SPMIP4: variants seen among roughly 807,000 people sequenced by gnomAD.
SPMIP4 encodes sperm-associated microtubule inner protein 4.
the SPMIP4 span, among the ~76,000 whole-genome samples, chr7:25,140,529 T>A: frequency 6.6e-6 from 1 of 152,118 alleles, no homozygotes; most frequent in African/African-American, 2.4e-5. Flanking sequence ...CTCCAACTCC[T>A]GACCTCAGGT....
the SPMIP4 span, chr7:25,135,930 C>T: frequency 7.8e-6 from 12 of 1,533,882 alleles, no homozygotes; most frequent in Non-Finnish European, 1.0e-5. Context: ...TATTTTTTAG[C>T]TTCTTGCAAG....
the SPMIP4 span, chr7:25,134,769 G>C: frequency 1.0e-6 from 1 of 985,090 alleles, no homozygotes; most frequent in African/African-American, 1.7e-5. Flanking sequence ...GTGATAAAAA[G>C]TGTGTACACT....
the SPMIP4 span, among the ~76,000 whole-genome samples, chr7:25,139,068 A>G: frequency 6.6e-6 from 1 of 152,154 alleles, no homozygotes; most frequent in African/African-American, 2.4e-5. Context: ...CTGTATCTTG[A>G]TAGGGGTTTG....
chr7:25,127,186 G>C, the SPMIP4 span, among the ~76,000 whole-genome samples: 1 of 151,996 alleles, frequency 6.6e-6, no homozygotes, highest in Admixed American at 6.6e-5. Context: ...AAATCTGCTT[G>C]GTGTTTTATA....
At chr7:25,142,570 G>C in the SPMIP4 span, 1 of 1,317,416 alleles carries the variant, frequency 7.6e-7, no homozygotes, top group Non-Finnish European at 1.1e-6. Flanking sequence ...GAAGTTGAAA[G>C]CTTGTCATAG....
At chr7:25,144,982 G>GTCTTGC in the SPMIP4 span, among the ~76,000 whole-genome samples, 5 of 147,294 alleles carry the variant, frequency 3.4e-5, no homozygotes, top group Middle Eastern at 3.6e-3. Flanking sequence ...TTGAGATGGA[G>GTCTTGC]TCTTGCTCTT....
the SPMIP4 span, among the ~76,000 whole-genome samples, chr7:25,128,600 G>A: frequency 6.6e-6 from 1 of 152,310 alleles, no homozygotes; most frequent in Non-Finnish European, 1.5e-5. This position sits in a 1 kb window ranked among gnomAD's most constrained non-coding sequence, Gnocchi z 4.5. Flanking sequence ...GGGCAGTGGG[G>A]TCCTCTTTGG....
At chr7:25,138,820 C>T in the SPMIP4 span, among the ~76,000 whole-genome samples, 1 of 152,322 alleles carries the variant, frequency 6.6e-6, no homozygotes, top group Non-Finnish European at 1.5e-5. The surrounding 1 kb of genome is among the most constrained non-coding windows in gnomAD (Gnocchi z 6.2). Context: ...TTTCAACGAG[C>T]ATTTCAGGTG....
chr7:25,156,696 T>C, the SPMIP4 span, among the ~76,000 whole-genome samples: 1 of 152,160 alleles, frequency 6.6e-6, no homozygotes, highest in African/African-American at 2.4e-5. Flanking sequence ...TTACTATTAC[T>C]ATTATTTTTG....
chr7:25,141,390 G>A, the SPMIP4 span, among the ~76,000 whole-genome samples: 3 of 152,040 alleles, frequency 2.0e-5, no homozygotes, highest in African/African-American at 7.2e-5. Flanking sequence ...TGGTCAACAT[G>A]GTGAAACCCC....
the SPMIP4 span, among the ~76,000 whole-genome samples, chr7:25,170,688 G>A: frequency 2.5e-4 from 38 of 152,148 alleles, no homozygotes; most frequent in African/African-American, 8.9e-4. Flanking sequence ...CTTTGATTCA[G>A]GATAAGTTAA....
At chr7:25,164,325 G>C in the SPMIP4 span, among the ~76,000 whole-genome samples, 1 of 152,178 alleles carries the variant, frequency 6.6e-6, no homozygotes, top group Non-Finnish European at 1.5e-5. Flanking sequence ...TAATGATGTG[G>C]TAATTTTGGG....
chr7:25,145,761 T>C, the SPMIP4 span, among the ~76,000 whole-genome samples: 4 of 152,218 alleles, frequency 2.6e-5, no homozygotes, highest in African/African-American at 7.2e-5. Context: ...TCATATAATA[T>C]ATGTAACTCA....
chr7:25,136,686 T>C, the SPMIP4 span: 1 of 1,614,188 alleles, frequency 6.2e-7, no homozygotes, highest in Non-Finnish European at 8.5e-7. The surrounding 1 kb of genome is among the most constrained non-coding windows in gnomAD (Gnocchi z 5.7). Flanking sequence ...GACAGGAACG[T>C]GGTCTTTGCT....
the SPMIP4 span, among the ~76,000 whole-genome samples, chr7:25,167,536 T>C: frequency 2.0e-5 from 3 of 152,268 alleles, no homozygotes; most frequent in Non-Finnish European, 4.4e-5. Context: ...GTCTGCTTTT[T>C]ATTGCTTTTC....
chr7:25,133,926 C>T, the SPMIP4 span, among the ~76,000 whole-genome samples: 17 of 151,926 alleles, frequency 1.1e-4, no homozygotes, highest in African/African-American at 3.6e-4. Flanking sequence ...TTTATAATAC[C>T]GAATCTCTGG....
chr7:25,145,671 T>G, the SPMIP4 span, among the ~76,000 whole-genome samples: 1 of 152,214 alleles, frequency 6.6e-6, no homozygotes, highest in Non-Finnish European at 1.5e-5. Flanking sequence ...TACAAAGAAG[T>G]GACATTAGTT....
At chr7:25,144,556 G>A in the SPMIP4 span, among the ~76,000 whole-genome samples, 1 of 152,370 alleles carries the variant, frequency 6.6e-6, no homozygotes, top group African/African-American at 2.4e-5. Context: ...ATAAGGAAGA[G>A]ACCCTAAGAA....
chr7:25,131,117 T>C, the SPMIP4 span, among the ~76,000 whole-genome samples: 34 of 152,204 alleles, frequency 2.2e-4, no homozygotes, highest in African/African-American at 8.0e-4. This position sits in a 1 kb window ranked among gnomAD's most constrained non-coding sequence, Gnocchi z 4.2. Flanking sequence ...ATGGTGGCAT[T>C]AGATTCTCAT....
Sources: allele counts gnomAD v4.1 joint callset (sites outside exome capture counted in the v4.1 genomes callset), GRCh38; gene constraint gnomAD v4.1.1; non-coding constraint Gnocchi (gnomAD v3.1); transcripts MANE v1.5; gene names NCBI Gene and HGNC (gene_info 2026-07-23, HGNC 2026-07-21).